Variants in DUSP4 observed in about 807,000 individuals in gnomAD.
DUSP4 encodes dual specificity protein phosphatase 4.
DUSP4 carries 12 observed loss-of-function variants against 27.2 expected under a neutral mutation model. The observed-to-expected ratio is 0.44, with a 90% CI of 0.28 to 0.71. DUSP4 has a LOEUF of 0.71. Among genes scored for constraint, DUSP4 ranks in the 30% least tolerant of loss-of-function variants. The probability of loss-of-function intolerance (pLI) is 0.14; values close to 1 mark genes in which losing one functional copy is unlikely to be tolerated. For missense variants in DUSP4, 448 were observed against 551.3 expected (o/e 0.81, Z 1.88); for synonymous variants, 257 against 245.2 (o/e 1.05, Z -0.45).
chr8:29,338,018 T>A (rs1472971198), intron 3 of DUSP4, among the ~76,000 whole-genome samples: 1 of 152,092 alleles, frequency 6.6e-6, no homozygotes, highest in African/African-American at 2.4e-5. Context: ...TTCCTCCCCG[T>A]CCAAAAACTC....
At position 29,335,230 on chromosome 8, in the gene DUSP4, G is replaced by C. The variant is rs530006589; in HGVS notation, c.*1796C>G. ...CCCTCCCCCCCAAACCCTCCCCACA[G>C]AAAACGTGTCTCCCTCCAAAGCCAT... On this transcript the variant is annotated 3_prime_UTR_variant, in exon 4 of 4. Coordinates refer to ENST00000240100, the MANE Select transcript of DUSP4 (RefSeq NM_001394.7). 1.6e-5 allele frequency: 2 copies of C among 126,146 alleles called. No individual in the cohort carries two copies. The highest frequency in any genetic ancestry group is 3.0e-5 in the African/African-American group (1 of 33,512). The allele number at this position is 126,146 out of a possible 1,614,324, so 7.8% of individuals were successfully genotyped here.
intron 2 of DUSP4, among the ~76,000 whole-genome samples, chr8:29,339,864 A>G (rs1178990118): frequency 7.1e-6 from 1 of 140,424 alleles, no homozygotes; most frequent in Non-Finnish European, 1.6e-5. Flanking sequence ...ACCTTTTAAA[A>G]TTAGCCAGGC....
chr8:29,349,756 C>T (rs1454285208), intron 1 of DUSP4, 90 bp downstream of exon 1: 12 of 1,396,962 alleles, frequency 8.6e-6, no homozygotes, highest in African/African-American at 1.5e-5. Context: ...CGAATCACGC[C>T]GGGGACTCCT....
chr8:29,348,409 G>T (rs1464476784), intron 1 of DUSP4: 16 of 985,664 alleles, frequency 1.6e-5, no homozygotes, highest in Non-Finnish European at 1.2e-6. Flanking sequence ...CTTTCTCTTG[G>T]AGCGCTTTGG....
Position 29,338,501 on chromosome 8 carries a change from C to T in DUSP4, c.580G>A (p.Gly194Arg), listed in dbSNP as rs754857492. The change falls in exon 3 of 4, where the codon GGG becomes AGG. Residue 194 changes from glycine to arginine, a missense_variant and splice_region_variant. Transcript: ENST00000240100. Reference protein sequence around the residue: ...SSCGTPLHDQGGPVEILPFLY... With the variant: ...SSCGTPLHDQRGPVEILPFLY... ...AAGGGAAGGATCTCCACAGGACCCC[C>T]CTGCACAGAAAGGGAAACAAAGGCC... is the stretch of plus-strand genomic sequence containing the variant. 1.2e-6 allele frequency: 2 copies of T among 1,612,440 alleles called. No homozygotes were observed. Among genetic ancestry groups the T allele is most frequent in the Admixed American group, 3.3e-5 (2 of 59,932 alleles).
rs1007306662 is a variant in DUSP4 at position 29,333,443 on chromosome 8, C to A, written c.*3583G>T. 1 of 152,218 alleles carries A rather than the reference C, an allele frequency of 6.6e-6. No homozygotes were observed. The highest frequency in any genetic ancestry group is 1.5e-5 in the Non-Finnish European group (1 of 68,054). The allele number at this position is 152,218 out of a possible 1,614,324, so 9.4% of individuals were successfully genotyped here. Reference sequence around the variant, plus strand: ...CGTATTGAGTCCCTTAACAAGGCTCCACAGATCAGCTGGCTTTCAAAAAGC... The same window carrying A: ...CGTATTGAGTCCCTTAACAAGGCTCAACAGATCAGCTGGCTTTCAAAAAGC... On this transcript the variant is annotated 3_prime_UTR_variant, in exon 4 of 4. Coordinates refer to ENST00000240100, the MANE Select transcript of DUSP4 (RefSeq NM_001394.7).
Position 29,333,994 on chromosome 8 carries a change from G to C in DUSP4, c.*3032C>G, listed in dbSNP as rs1270071041. On this transcript the variant is annotated 3_prime_UTR_variant, in exon 4 of 4. Coordinates refer to ENST00000240100, the MANE Select transcript of DUSP4 (RefSeq NM_001394.7). ...ATGAGCAACTGAACAAAATGGCTTT[G>C]GGAGGGAATGATGGGAGCTGGGGCC... The C allele has an allele frequency of 6.6e-6, 1 of 152,274 alleles. No individual in the cohort carries two copies. Among genetic ancestry groups the C allele is most frequent in the Non-Finnish European group, 1.5e-5 (1 of 68,088 alleles). 9.4% of individuals were successfully genotyped at this position (152,274 alleles called of 1,614,324 possible).
At chr8:29,348,465 C>A in intron 1 of DUSP4, 1 of 985,596 alleles carries the variant, frequency 1.0e-6, no homozygotes. Flanking sequence ...CAAAAGACAG[C>A]CCTCGCGGAA....
At position 29,337,081 on chromosome 8, in the gene DUSP4, G is replaced by A. The variant is rs771211136; in HGVS notation, c.1130C>T (p.Ala377Val). The change falls in exon 4 of 4, where the codon GCC (alanine) becomes GTC (valine). Residue 377 changes from alanine (A) to valine (V), a missense_variant. Ala to Val is a moderately conservative substitution (Grantham distance 64). Coordinates refer to ENST00000240100, the MANE Select transcript of DUSP4 (RefSeq NM_001394.7). The surrounding 1 kb of genome is among the most constrained non-coding windows in gnomAD (Gnocchi z 6.4). ...SFPVSVGVHS[A>V]PSSLPYLHSP... ...GTGCAGGTAGGGCAGGCTGCTGGGG[G>A]CCGAGTGCACGCCCACGGAGACCGG... 6.2e-7 allele frequency: 1 copy of A among 1,608,222 alleles called. No individual in the cohort carries two copies. Among genetic ancestry groups the A allele is most frequent in the Admixed American group, 1.7e-5 (1 of 59,200 alleles).
chr8:29,349,088 G>T (rs1475982880), intron 1 of DUSP4, among the ~76,000 whole-genome samples: 1 of 152,188 alleles, frequency 6.6e-6, no homozygotes, highest in African/African-American at 2.4e-5. Context: ...AATCCGGCAC[G>T]CGCCGCCATC....
chr8:29,336,739 A>C lies in DUSP4; in HGVS notation c.*287T>G. 2.8e-6 allele frequency: 1 copy of C among 352,246 alleles called. No individual in the cohort carries two copies. The allele number at this position is 352,246 out of a possible 1,614,324, so 21.8% of individuals were successfully genotyped here. A position where few individuals can be genotyped will look rare whatever the true frequency, so the allele number is the denominator to read the frequency against. On this transcript the variant is annotated 3_prime_UTR_variant, in exon 4 of 4. Coordinates refer to ENST00000240100, the MANE Select transcript of DUSP4 (RefSeq NM_001394.7). ...CCTTACTGCTTAAAAAAATGAGGTA[A>C]GAAATTTCTATCGGAAAAGTGAAAC...
chr8:29,349,434 C>T (rs1409075657), intron 1 of DUSP4, among the ~76,000 whole-genome samples: 4 of 152,224 alleles, frequency 2.6e-5, no homozygotes, highest in Non-Finnish European at 4.4e-5. Flanking sequence ...CTCTGGGATT[C>T]TCCCGGTCCG....
Position 29,337,135 on chromosome 8 carries a change from G to A in DUSP4, c.1076C>T (p.Thr359Ile). 6.2e-7 allele frequency: 1 copy of A among 1,611,064 alleles called. No individual in the cohort carries two copies. Among genetic ancestry groups the A allele is most frequent in the Non-Finnish European group, 8.5e-7 (1 of 1,178,746 alleles). The change falls in exon 4 of 4, where the codon ACC (threonine) becomes ATC (isoleucine). Residue 359 changes from threonine to isoleucine, a missense_variant. Transcript: ENST00000240100. The surrounding 1 kb of genome is among the most constrained non-coding windows in gnomAD (Gnocchi z 6.4). ...PLRERGKTPATPTSQFVFSFP... is the reference protein window; with the variant it reads ...PLRERGKTPAIPTSQFVFSFP... ...GCTGAAGACGAACTGCGAGGTGGGG[G>A]TGGCGGGGGTCTTGCCCCGCTCCCG...
chr8:29,344,700 T>C (rs1320380153), intron 1 of DUSP4, among the ~76,000 whole-genome samples: 1 of 152,188 alleles, frequency 6.6e-6, no homozygotes, highest in East Asian at 1.9e-4. Context: ...CCCCCGTCCC[T>C]TGCAGGAGTA....
intron 1 of DUSP4, among the ~76,000 whole-genome samples, chr8:29,349,631 C>G (rs758436457): frequency 1.3e-5 from 2 of 152,226 alleles, no homozygotes; most frequent in Non-Finnish European, 2.9e-5. Context: ...TGCAGGTGAC[C>G]GGAGAAACCC....
chr8:29,337,491 T>C lies in DUSP4; in HGVS notation c.800-80A>G. ...CAGGGGCACCGGCCAGCCCCTGGGG[T>C]CGGGGGGCTCTGAAGGAAGGACTAG... On this transcript the variant is annotated intron_variant, in intron 3 of 3. Transcript: ENST00000240100. This position sits in a 1 kb window ranked among gnomAD's most constrained non-coding sequence, Gnocchi z 6.4. 1 of 1,505,064 alleles carries C rather than the reference T, an allele frequency of 6.6e-7. No homozygotes were observed. The highest frequency in any genetic ancestry group is 1.4e-5 in the African/African-American group (1 of 71,872). 93.2% of individuals were successfully genotyped at this position (1,505,064 alleles called of 1,614,324 possible).
chr8:29,347,684 G>C, intron 1 of DUSP4: 3 of 933,308 alleles, frequency 3.2e-6, no homozygotes, highest in Non-Finnish European at 2.6e-6. Context: ...GCCCGCGTCG[G>C]GGCCGACTAC....
intron 1 of DUSP4, among the ~76,000 whole-genome samples, chr8:29,343,783 G>A (rs1817688525): frequency 6.6e-6 from 1 of 152,150 alleles, no homozygotes; most frequent in Non-Finnish European, 1.5e-5. Flanking sequence ...ATCATTTTAT[G>A]GAACTTTTCT....
rs1220805336 is a variant in DUSP4 at position 29,333,625 on chromosome 8, CA to C, written c.*3400del. On this transcript the variant is annotated 3_prime_UTR_variant, in exon 4 of 4. Transcript: ENST00000240100. The stretch of plus-strand genomic sequence containing the variant: ...CTGTGCTGTCACACCCAGCCTCCAA[CA>C]GCGCCTTGACATCCAAAAAGCATGG... 6.6e-6 allele frequency: 1 copy of C among 152,272 alleles called. No individual in the cohort carries two copies. Among genetic ancestry groups the C allele is most frequent in the African/African-American group, 2.4e-5 (1 of 41,468 alleles). 9.4% of individuals were successfully genotyped at this position (152,272 alleles called of 1,614,324 possible). A position where few individuals can be genotyped will look rare whatever the true frequency, so the allele number is the denominator to read the frequency against.
Sources: allele counts gnomAD v4.1 joint callset (sites outside exome capture counted in the v4.1 genomes callset), GRCh38; gene constraint gnomAD v4.1.1; non-coding constraint Gnocchi (gnomAD v3.1); transcripts MANE v1.5; gene names NCBI Gene and HGNC (gene_info 2026-07-23, HGNC 2026-07-21).